Variants in SLIT2 observed in about 807,000 individuals in gnomAD.
SLIT2 encodes the protein slit homolog 2 protein.
In SLIT2, 41 loss-of-function variants were observed where a neutral mutation model predicts 185.7. The ratio of observed to expected loss-of-function variants is 0.22; its 90% CI spans 0.17 to 0.29. The LOEUF is 0.29. Ranked by LOEUF, SLIT2 falls within the 10% of genes least tolerant of loss-of-function variation. The pLI is 1.00. For missense variants in SLIT2, 1,571 were observed against 1,909.0 expected, an observed-to-expected ratio of 0.82 and a Z score of 3.30; for synonymous variants, 693 against 680.2, an observed-to-expected ratio of 1.02 and a Z score of -0.29.
chr4:20,306,925 A>C (rs568891136), intron 4 of SLIT2, among the ~76,000 whole-genome samples: 1 of 152,194 alleles, frequency 6.6e-6, no homozygotes, highest in East Asian at 1.9e-4. Context: ...AAAAATATAT[A>C]TAAATAAAAT....
At chr4:20,274,599 T>A (rs115886688) in intron 4 of SLIT2, among the ~76,000 whole-genome samples, 145 of 152,310 alleles carry the variant, frequency 9.5e-4, no homozygotes, top group Non-Finnish European at 1.6e-3. Context: ...AAGGAATTAC[T>A]AATAGACTTG....
At chr4:20,503,665 A>G (rs1718941133) in intron 9 of SLIT2, among the ~76,000 whole-genome samples, 1 of 152,166 alleles carries the variant, frequency 6.6e-6, no homozygotes, top group African/African-American at 2.4e-5. Context: ...TTTAACACTT[A>G]GTCAAAAGGT....
intron 3 of SLIT2, among the ~76,000 whole-genome samples, chr4:20,261,380 G>A (rs566535779): frequency 3.3e-5 from 5 of 151,910 alleles, no homozygotes; most frequent in African/African-American, 1.2e-4. Flanking sequence ...AGATACCTGT[G>A]TATATCTGCA....
At chr4:20,318,919 G>A (rs76446605) in intron 4 of SLIT2, among the ~76,000 whole-genome samples, 437 of 152,244 alleles carry the variant, frequency 2.9e-3, no homozygotes, top group African/African-American at 0.01. Context: ...ATATATGGTG[G>A]ACGACTAAGT....
intron 4 of SLIT2, among the ~76,000 whole-genome samples, chr4:20,351,581 C>A (rs540886026): frequency 6.6e-6 from 1 of 152,208 alleles, no homozygotes; most frequent in African/African-American, 2.4e-5. Context: ...ATCATTACTG[C>A]CAGGTGACAA....
chr4:20,472,527 T>G (rs1168474119), intron 5 of SLIT2, among the ~76,000 whole-genome samples: 1 of 22,090 alleles, frequency 4.5e-5, no homozygotes, highest in African/African-American at 3.3e-4. Context: ...TATATATCTA[T>G]ATATAGATAT....
intron 29 of SLIT2, among the ~76,000 whole-genome samples, chr4:20,585,556 A>G (rs191694260): frequency 2.3e-3 from 349 of 152,328 alleles, no homozygotes; most frequent in Non-Finnish European, 3.7e-3. Flanking sequence ...AGAGGCTCAT[A>G]GACACCAACA....
intron 21 of SLIT2, among the ~76,000 whole-genome samples, chr4:20,545,539 T>C (rs1180917877): frequency 6.6e-6 from 1 of 151,992 alleles, no homozygotes; most frequent in Non-Finnish European, 1.5e-5. Flanking sequence ...ACCAAGAAGA[T>C]ATATGCTGGT....
intron 4 of SLIT2, among the ~76,000 whole-genome samples, chr4:20,355,677 T>C (rs1205622637): frequency 6.6e-6 from 1 of 152,188 alleles, no homozygotes; most frequent in African/African-American, 2.4e-5. Flanking sequence ...AAGAAAACTG[T>C]ATGATCCATA....
At chr4:20,368,404 C>T (rs949037127) in intron 4 of SLIT2, among the ~76,000 whole-genome samples, 1 of 151,470 alleles carries the variant, frequency 6.6e-6, no homozygotes, top group African/African-American at 2.4e-5. Context: ...CTCAGTAGCC[C>T]TCTGGAAAGA....
chr4:20,439,113 GTTA>G (rs1046656870), intron 4 of SLIT2, among the ~76,000 whole-genome samples: 1 of 152,156 alleles, frequency 6.6e-6, no homozygotes, highest in Non-Finnish European at 1.5e-5. Context: ...TCTTGGATGA[GTTA>G]TTATTTCCTT....
intron 34 of SLIT2, chr4:20,615,314 TCA>T (rs1180522443): frequency 6.6e-6 from 1 of 152,160 alleles, no homozygotes; most frequent in Non-Finnish European, 1.5e-5. Context: ...AGGCCTGTAC[TCA>T]CAGAACTTCA....
At chr4:20,522,088 T>C (rs1038943856) in intron 12 of SLIT2, among the ~76,000 whole-genome samples, 3 of 152,094 alleles carry the variant, frequency 2.0e-5, no homozygotes, top group Non-Finnish European at 4.4e-5. Flanking sequence ...AAAAATATTC[T>C]TTCTCTCCTT....
At chr4:20,533,847 C>A in intron 18 of SLIT2, 132 bp downstream of exon 18, 1 of 650,126 alleles carries the variant, frequency 1.5e-6, no homozygotes, top group Non-Finnish European at 2.6e-6. Flanking sequence ...TTCTCTGTTA[C>A]ACACACATAC....
chr4:20,507,040 A>G (rs1191196675), intron 9 of SLIT2, among the ~76,000 whole-genome samples: 1 of 152,026 alleles, frequency 6.6e-6, no homozygotes, highest in African/African-American at 2.4e-5. Flanking sequence ...GTACATGTAA[A>G]TGCAATAGTT....
intron 5 of SLIT2, among the ~76,000 whole-genome samples, chr4:20,477,809 GT>G (rs1716276754): frequency 6.6e-6 from 1 of 152,096 alleles, no homozygotes; most frequent in Non-Finnish European, 1.5e-5. Flanking sequence ...TTTTGAAGAA[GT>G]GAAAAAGTCT....
rs557963142 is a variant in SLIT2 at position 20,491,800 on chromosome 4, A to G, written c.815A>G (p.His272Arg). 6.2e-7 allele frequency: 1 copy of G among 1,613,698 alleles called. No homozygotes were observed. Among genetic ancestry groups the G allele is most frequent in the East Asian group, 2.2e-5 (1 of 44,852 alleles). ...ATGGCTCCTTCTTGTAGTGTTTTGCACTGCCCTGCCGCCTGTACCTGTAGC... is the reference window on the plus strand; with the variant it reads ...ATGGCTCCTTCTTGTAGTGTTTTGCGCTGCCCTGCCGCCTGTACCTGTAGC... The part of the protein sequence containing the change: ...SFMAPSCSVL[H>R]CPAACTCSNN... The change falls in exon 9 of 37, where the codon CAC becomes CGC. Residue 272 changes from histidine (H) to arginine (R), a missense_variant. His to Arg is a conservative substitution (Grantham distance 29). Coordinates refer to ENST00000504154, the MANE Select transcript of SLIT2 (RefSeq NM_004787.4).
At chr4:20,557,792 G>C (rs1724385550) in intron 26 of SLIT2, among the ~76,000 whole-genome samples, 1 of 152,044 alleles carries the variant, frequency 6.6e-6, no homozygotes, top group Non-Finnish European at 1.5e-5. Flanking sequence ...CACCATTCTA[G>C]ATGACATTAA....
intron 24 of SLIT2, among the ~76,000 whole-genome samples, chr4:20,550,334 T>C (rs1723625027): frequency 1.3e-5 from 2 of 151,892 alleles, no homozygotes; most frequent in Non-Finnish European, 2.9e-5. Context: ...AATGTAGATA[T>C]CTTTATGCAT....
Sources: gnomAD v4.1 joint callset for allele counts (sites outside exome capture counted in the v4.1 genomes callset) on GRCh38, gnomAD v4.1.1 for gene constraint, MANE v1.5 for transcripts, NCBI Gene and HGNC (gene_info 2026-07-23, HGNC 2026-07-21) for gene names.